The following TP53BP1 variants were observed in gnomAD, a reference collection of about 807,000 sequenced individuals.
The protein encoded by TP53BP1 is TP53-binding protein 1.
A neutral mutation model predicts 200.8 loss-of-function variants in TP53BP1; 61 were observed. The observed-to-expected ratio is 0.30, with a 90% CI of 0.25 to 0.38. The LOEUF (loss-of-function observed/expected upper bound fraction) is 0.38. Ranked by LOEUF, TP53BP1 falls within the 10% of genes least tolerant of loss-of-function variation. TP53BP1 has a pLI of 1.00. For missense variants in TP53BP1, 2,144 were observed against 2,371.9 expected (o/e 0.90, Z 2.00); for synonymous variants, 822 against 844.3 (o/e 0.97, Z 0.46).
intron 1 of TP53BP1, among the ~76,000 whole-genome samples, chr15:43,500,271 C>G (rs2079202759): frequency 6.6e-6 from 1 of 152,196 alleles, no homozygotes; most frequent in East Asian, 1.9e-4. Flanking sequence ...CTTCACCCTT[C>G]TGGTTGCTTA....
At chr15:43,492,797 C>A (rs1434239910) in intron 1 of TP53BP1, among the ~76,000 whole-genome samples, 2 of 147,858 alleles carry the variant, frequency 1.4e-5, no homozygotes, top group Non-Finnish European at 3.0e-5. Flanking sequence ...GCCTCTACCT[C>A]CCCCCAAAAG....
At chr15:43,493,684 A>G (rs1315256036), upstream of TP53BP1, among the ~76,000 whole-genome samples, 1 of 152,142 alleles carries the variant, frequency 6.6e-6, no homozygotes, top group Non-Finnish European at 1.5e-5. Context: ...AGGGCCTGAC[A>G]TTACATCTCT....
At position 43,447,488 on chromosome 15, in the gene TP53BP1, GA is replaced by G. The variant is rs749575788; in HGVS notation, c.2717-4del. 154,648 of 877,086 alleles carry G rather than the reference GA, an allele frequency of 0.18. 14 individuals carry two copies. Among genetic ancestry groups the G allele is most frequent in the East Asian group, 0.22 (5,585 of 25,938 alleles). 54.3% of individuals were successfully genotyped at this position (877,086 alleles called of 1,614,324 possible). On this transcript the variant is annotated splice_region_variant and splice_polypyrimidine_tract_variant and intron_variant, in intron 12 of 27. Coordinates refer to ENST00000382044, the MANE Select transcript of TP53BP1 (RefSeq NM_001141980.3). ...CAAAGTGAAATGAAATGGGGTTTCT[GA>G]AAAAAAAAAAAAAAAGAAAAAAGAA...
chr15:43,410,775 G>A (rs552494250), intron 24 of TP53BP1, among the ~76,000 whole-genome samples: 17 of 152,146 alleles, frequency 1.1e-4, no homozygotes, highest in South Asian at 4.2e-4. Flanking sequence ...CAGTGCCCTC[G>A]TTGTCTGCTG....
rs200971610 is a variant in TP53BP1, at chr15:43,413,171, G to A, written c.5253C>T (p.Ala1751=). 3.2e-5 allele frequency: 52 copies of A among 1,614,142 alleles called. No individual in the cohort carries two copies. The Admixed American group carries it at 8.5e-4, about 26-fold the overall frequency. The change falls in exon 24 of 28, where the codon GCC becomes GCT. Residue 1751 remains alanine, a synonymous_variant. Transcript: ENST00000382044. ...GACCATCTGGCAGTTTGGAGCGGCTGGCCAACTTGTCACTGGTTGTGGCCA... is the reference window on the plus strand; with the variant it reads ...GACCATCTGGCAGTTTGGAGCGGCTAGCCAACTTGTCACTGGTTGTGGCCA... The part of the protein sequence containing the change: ...LTMATTSDKL[A]SRSKLPDGPT...
chr15:43,462,848 G>T (rs2046473370), intron 11 of TP53BP1, among the ~76,000 whole-genome samples: 2 of 147,652 alleles, frequency 1.4e-5, no homozygotes, highest in South Asian at 4.2e-4. Flanking sequence ...CTTAAGGTCA[G>T]AAGTTTGAGA....
intron 16 of TP53BP1, among the ~76,000 whole-genome samples, chr15:43,435,547 AT>A (rs936255718): frequency 5.3e-5 from 8 of 152,228 alleles, no homozygotes; most frequent in African/African-American, 1.9e-4. Context: ...CACTGTTAAA[AT>A]CACATGATTT....
chr15:43,447,500 A>AG lies in TP53BP1; in HGVS notation c.2717-16_2717-15insC, dbSNP rs777951329. The AG allele has an allele frequency of 6.7e-7, 1 of 1,486,698 alleles. No individual in the cohort carries two copies. The highest frequency in any genetic ancestry group is 9.0e-7 in the Non-Finnish European group (1 of 1,113,892). The allele number at this position is 1,486,698 out of a possible 1,614,324, so 92.1% of individuals were successfully genotyped here. A position where few individuals can be genotyped will look rare whatever the true frequency, so the allele number is the denominator to read the frequency against. On this transcript the variant is annotated splice_polypyrimidine_tract_variant and intron_variant, in intron 12 of 27. Transcript: ENST00000382044. ...AAATGGGGTTTCTGAAAAAAAAAAA[A>AG]AAAAGAAAAAAGAAAGAAAGAAAAA... is the stretch of plus-strand genomic sequence containing the variant.
intron 8 of TP53BP1, among the ~76,000 whole-genome samples, chr15:43,477,299 C>CA (rs59711190): frequency 0.34 from 33,569 of 99,068 alleles, 6,741 homozygotes; most frequent in African/African-American, 0.62. Context: ...GACTCCATCT[C>CA]AAAAAAAAAA....
At position 43,479,881 on chromosome 15, in the gene TP53BP1, C is replaced by A; in HGVS notation, c.636G>T (p.Leu212=). The A allele has an allele frequency of 1.9e-6, 3 of 1,614,236 alleles. No individual in the cohort carries two copies. Among genetic ancestry groups the A allele is most frequent in the Non-Finnish European group, 2.5e-6 (3 of 1,180,034 alleles). Residue 212 remains leucine, a synonymous_variant, in exon 6 of 28, where the codon CTG becomes CTT. Coordinates refer to ENST00000382044, the MANE Select transcript of TP53BP1 (RefSeq NM_001141980.3). ...SVTTNSGYTR[L]SDVDANTAIK... ...TACCAGTATTAGCATCCACATCAGA[C>A]AGCCTGGTATAACCAGAGTTGGTGG...
chr15:43,447,389 G>C lies in TP53BP1; in HGVS notation c.2813C>G (p.Pro938Arg). The change falls in exon 13 of 28, where the codon CCC becomes CGC. Residue 938 changes from proline to arginine, a missense_variant. Around this residue, in one of 4 missense-constraint regions of TP53BP1, gnomAD observed 1,700 missense variants for 1,710.3 expected, o/e 0.99. Transcript: ENST00000382044. ...PPLIGHLKLE[P>R]KRHSTPIGIS... The stretch of plus-strand genomic sequence containing the variant: ...ACCAATAGGAGTACTGTGTCTCTTG[G>C]GCTCCAATTTTAGGTGCCCAATAAG... The C allele has an allele frequency of 6.2e-7, 1 of 1,601,552 alleles. No homozygotes were observed. The highest frequency in any genetic ancestry group is 8.5e-7 in the Non-Finnish European group (1 of 1,177,024).
chr15:43,432,809 A>G, intron 16 of TP53BP1, 132 bp from the exon 17 acceptor site: 1 of 973,296 alleles, frequency 1.0e-6, no homozygotes, highest in Non-Finnish European at 1.5e-6. Context: ...AAATGTAAGG[A>G]AGGGAGAAAG....
rs752500041 is a variant in TP53BP1 at position 43,432,161 on chromosome 15, A to T, written c.3675+33T>A. 5 of 1,572,038 alleles carry T rather than the reference A, an allele frequency of 3.2e-6. No homozygotes were observed. In the East Asian group the frequency reaches 1.1e-4, roughly 35 times the overall value. ...CTGAGAATCCTGAAAGTTAAAAACA[A>T]GGCCTCTGATGCACCCTAGTATGTT... On this transcript the variant is annotated intron_variant, in intron 17 of 27. Coordinates refer to ENST00000382044, the MANE Select transcript of TP53BP1 (RefSeq NM_001141980.3).
At position 43,415,656 on chromosome 15, in the gene TP53BP1, A is replaced by T. The variant is rs201904872; in HGVS notation, c.5027T>A (p.Ile1676Asn). 1 of 1,614,072 alleles carries T rather than the reference A, an allele frequency of 6.2e-7. No individual in the cohort carries two copies. The highest frequency in any genetic ancestry group is 8.5e-7 in the Non-Finnish European group (1 of 1,180,044). Residue 1676 changes from isoleucine (I) to asparagine (N), a missense_variant, in exon 23 of 28, where the codon ATC (isoleucine) becomes AAC (asparagine). Ile to Asn is a moderately radical substitution (Grantham distance 149). Transcript: ENST00000382044. ...AGGGGACCGTTCCTCTTCAGAAGTG[A>T]TAAGTTTTCTTTTGCCTGAGAGAAC... Reference protein sequence around the residue: ...MGVLSGKRKLITSEEERSPAK... With the variant: ...MGVLSGKRKLNTSEEERSPAK...
rs148189647 is a variant in TP53BP1, at chr15:43,468,123, C to T, written c.1389+1735G>A. On this transcript the variant is annotated intron_variant, in intron 11 of 27. Transcript: ENST00000382044. ...TTTTTTTTTTTGAGACAGGGTCTTG[C>T]TATTTTGCCCAAGCTGTTCTCAAAC... Among the ~76,000 whole-genome samples the T allele has an allele frequency of 4.4e-3, 671 of 151,742 alleles. 3 individuals carry two copies. Among genetic ancestry groups the T allele is most frequent in the African/African-American group, 0.015 (632 of 41,374 alleles).
chr15:43,483,451 A>T (rs1022285444), intron 4 of TP53BP1, among the ~76,000 whole-genome samples: 7 of 152,202 alleles, frequency 4.6e-5, no homozygotes, highest in Non-Finnish European at 7.3e-5. Context: ...AATGAACAAA[A>T]AAAGAGAGAA....
chr15:43,410,118 T>C (rs1270465444), intron 24 of TP53BP1, among the ~76,000 whole-genome samples: 1 of 152,362 alleles, frequency 6.6e-6, no homozygotes, highest in South Asian at 2.1e-4. Context: ...AAATCTTTCC[T>C]GTTGAAAACT....
At chr15:43,439,391 T>C (rs550235980) in intron 15 of TP53BP1, among the ~76,000 whole-genome samples, 9 of 152,124 alleles carry the variant, frequency 5.9e-5, no homozygotes, top group African/African-American at 2.2e-4. Context: ...ACACAAAAAT[T>C]AGCCCCTGGT....
At position 43,432,358 on chromosome 15, in the gene TP53BP1, T is replaced by C; in HGVS notation, c.3511A>G (p.Thr1171Ala). The C allele has an allele frequency of 6.2e-7, 1 of 1,614,166 alleles. No homozygotes were observed. Among genetic ancestry groups the C allele is most frequent in the South Asian group, 1.1e-5 (1 of 91,078 alleles). The change falls in exon 17 of 28, where the codon ACT becomes GCT. Residue 1171 changes from threonine to alanine, a missense_variant. Coordinates refer to ENST00000382044, the MANE Select transcript of TP53BP1 (RefSeq NM_001141980.3). ...ATAGTCTGGGTTGCTGCTGAAACAG[T>C]TTCTGGGACCCTCAAGGAACACTCC... ...TMECSLRVPE[T>A]VSAATQTIKN...
Sources: allele counts gnomAD v4.1 joint callset (sites outside exome capture counted in the v4.1 genomes callset), GRCh38; gene constraint gnomAD v4.1.1; regional missense constraint gnomAD v4.1.1; transcripts MANE v1.5; gene names NCBI Gene and HGNC (gene_info 2026-07-23, HGNC 2026-07-21).